MICU3: variants seen among roughly 807,000 people sequenced by gnomAD.
MICU3 encodes the protein mitochondrial calcium uptake 3, also known as calcium uptake protein 3, mitochondrial.
Under a neutral mutation model 66.5 loss-of-function variants are expected in MICU3, and 62 were observed. The observed-to-expected ratio is 0.93, with a 90% confidence interval of 0.76 to 1.15. The LOEUF (loss-of-function observed/expected upper bound fraction) is 1.15, where lower values mean the gene tolerates loss of function less well. Among genes scored for constraint, MICU3 ranks in the 50% most tolerant of loss-of-function variants. The pLI, the probability that MICU3 is intolerant of heterozygous loss-of-function variation, is 0.00. For synonymous variants in MICU3, 308 were observed against 240.7 expected (o/e 1.28, Z -2.59); for missense variants, 779 against 664.4 (o/e 1.17, Z -1.90).
At chr8:17,044,632 C>G (rs1814756008) in intron 1 of MICU3, among the ~76,000 whole-genome samples, 2 of 152,234 alleles carry the variant, frequency 1.3e-5, no homozygotes, top group Admixed American at 1.3e-4. Context: ...AGTTGTTTAG[C>G]TTGTGCTTGG....
At chr8:17,042,173 C>T (rs1224262322) in intron 1 of MICU3, among the ~76,000 whole-genome samples, 1 of 152,100 alleles carries the variant, frequency 6.6e-6, no homozygotes, top group East Asian at 1.9e-4. Context: ...GTAATCTGAT[C>T]TAATTAGTAC....
At chr8:17,110,418 C>T (rs748082897) in intron 11 of MICU3, among the ~76,000 whole-genome samples, 1 of 151,984 alleles carries the variant, frequency 6.6e-6, no homozygotes, top group Non-Finnish European at 1.5e-5. Flanking sequence ...AGTCCCTTCC[C>T]GTTTCCTTCT....
intron 1 of MICU3, among the ~76,000 whole-genome samples, chr8:17,051,830 A>G (rs1220694134): frequency 6.6e-6 from 1 of 152,174 alleles, no homozygotes; most frequent in African/African-American, 2.4e-5. Flanking sequence ...AACACTCTCC[A>G]GTAGCCTTGC....
At chr8:17,043,161 G>T (rs1048910033) in intron 1 of MICU3, among the ~76,000 whole-genome samples, 1 of 151,626 alleles carries the variant, frequency 6.6e-6, no homozygotes, top group South Asian at 2.1e-4. Flanking sequence ...GGATGGTCTC[G>T]ATCTCCTGAC....
At chr8:17,028,247 C>T (rs1811383023) in intron 1 of MICU3, among the ~76,000 whole-genome samples, 1 of 152,154 alleles carries the variant, frequency 6.6e-6, no homozygotes, top group African/African-American at 2.4e-5. Context: ...GTATTTCTCT[C>T]TTTTTCCTTC....
At chr8:17,108,013 G>A (rs1031926305) in intron 11 of MICU3, among the ~76,000 whole-genome samples, 3 of 152,122 alleles carry the variant, frequency 2.0e-5, no homozygotes, top group African/African-American at 7.2e-5. Flanking sequence ...TAGGGAAAAG[G>A]GGTCAGATAT....
chr8:17,083,894 A>T (rs781690255), intron 5 of MICU3, among the ~76,000 whole-genome samples: 23 of 152,092 alleles, frequency 1.5e-4, no homozygotes, highest in Non-Finnish European at 2.8e-4. Context: ...AGGCAAGGAT[A>T]AGAAGTGTTG....
At chr8:17,095,001 C>G (rs1800518537) in intron 8 of MICU3, among the ~76,000 whole-genome samples, 1 of 151,998 alleles carries the variant, frequency 6.6e-6, no homozygotes, top group African/African-American at 2.4e-5. Flanking sequence ...TAATCTGATA[C>G]TAAATTTCAG....
At chr8:17,105,763 C>G (rs1801687041) in intron 11 of MICU3, among the ~76,000 whole-genome samples, 179 bp downstream of exon 11, 1 of 151,922 alleles carries the variant, frequency 6.6e-6, no homozygotes, top group African/African-American at 2.4e-5. Flanking sequence ...ATTGTATATT[C>G]TGGTTAGATA....
chr8:17,087,775 T>C (rs1799627418), intron 7 of MICU3, among the ~76,000 whole-genome samples: 1 of 152,060 alleles, frequency 6.6e-6, no homozygotes, highest in Non-Finnish European at 1.5e-5. Context: ...AGTTATTAAA[T>C]GGCAAAGCCA....
chr8:17,033,209 A>G (rs1812389045), intron 1 of MICU3, among the ~76,000 whole-genome samples: 1 of 152,224 alleles, frequency 6.6e-6, no homozygotes, highest in South Asian at 2.1e-4. Context: ...ATGTTGAAAT[A>G]CTACATAAGC....
intron 8 of MICU3, among the ~76,000 whole-genome samples, chr8:17,097,070 C>T (rs1186216097): frequency 6.6e-6 from 1 of 151,174 alleles, no homozygotes; most frequent in African/African-American, 2.4e-5. Context: ...ACTCTTCTAA[C>T]AGTAGTGCAC....
chr8:17,085,966 C>T (rs1294554881), intron 6 of MICU3, among the ~76,000 whole-genome samples: 1 of 151,968 alleles, frequency 6.6e-6, no homozygotes, highest in Non-Finnish European at 1.5e-5. Flanking sequence ...GACAAAATGC[C>T]TAGTATATTT....
At chr8:17,061,962 A>G (rs1817894980) in intron 1 of MICU3, among the ~76,000 whole-genome samples, 1 of 152,280 alleles carries the variant, frequency 6.6e-6, no homozygotes, top group South Asian at 2.1e-4. Flanking sequence ...CTGCTGAGCC[A>G]ACTTGTCTTT....
chr8:17,125,645 T>C (rs1264782009), downstream of MICU3, among the ~76,000 whole-genome samples: 1 of 152,178 alleles, frequency 6.6e-6, no homozygotes, highest in Non-Finnish European at 1.5e-5. Flanking sequence ...GGCTGCTATT[T>C]TGTTCAAAGT....
chr8:17,069,515 T>G lies in MICU3; in HGVS notation c.536-173T>G, dbSNP rs146875492. On this transcript the variant is annotated intron_variant, in intron 2 of 14. Coordinates refer to ENST00000318063, the MANE Select transcript of MICU3 (RefSeq NM_181723.3). ...CAGTGCATAGTATATATGAAGCAAA[T>G]AGATAACATATATAAGATCATATCA... Among the ~76,000 whole-genome samples the G allele has an allele frequency of 2.2e-3, 330 of 152,050 alleles. 2 individuals are homozygous for G. Among genetic ancestry groups the G allele is most frequent in the African/African-American group, 7.3e-3 (303 of 41,520 alleles).
At chr8:17,034,768 C>A (rs549012707) in intron 1 of MICU3, among the ~76,000 whole-genome samples, 2 of 152,206 alleles carry the variant, frequency 1.3e-5, no homozygotes, top group Non-Finnish European at 2.9e-5. Context: ...CTTTAACAGA[C>A]GAGGACTTGC....
At chr8:17,028,082 T>C (rs766130989) in intron 1 of MICU3, among the ~76,000 whole-genome samples, 4 of 152,180 alleles carry the variant, frequency 2.6e-5, no homozygotes, top group Non-Finnish European at 5.9e-5. Context: ...AGCAGCGGTC[T>C]GAGATCTCAA....
intron 1 of MICU3, among the ~76,000 whole-genome samples, chr8:17,053,412 A>G (rs1487612755): frequency 6.6e-6 from 1 of 152,178 alleles, no homozygotes; most frequent in East Asian, 1.9e-4. Context: ...GTGCCTTGGC[A>G]ATGAACCTTT....
Sources: gnomAD v4.1 joint callset for allele counts (sites outside exome capture counted in the v4.1 genomes callset) on GRCh38, gnomAD v4.1.1 for gene constraint, MANE v1.5 for transcripts, NCBI Gene and HGNC (gene_info 2026-07-23, HGNC 2026-07-21) for gene names.